The following ENPP7 variants were observed in gnomAD, a reference collection of about 807,000 sequenced individuals.
ENPP7 encodes ectonucleotide pyrophosphatase/phosphodiesterase family member 7.
Under a neutral mutation model 33.6 loss-of-function variants are expected in ENPP7, and 39 were observed. That is an observed-to-expected ratio of 1.16 (90% CI 0.90 to 1.52). The LOEUF (loss-of-function observed/expected upper bound fraction) is 1.52, where lower values mean the gene tolerates loss of function less well. Among genes scored for constraint, ENPP7 ranks in the 40% most tolerant of loss-of-function variants. The probability of loss-of-function intolerance (pLI) is 0.00; values close to 1 mark genes in which losing one functional copy is unlikely to be tolerated. For missense variants in ENPP7, 594 were observed against 641.0 expected, an observed-to-expected ratio of 0.93 and a Z score of 0.79; for synonymous variants, 244 against 274.3, an observed-to-expected ratio of 0.89 and a Z score of 1.09.
rs200367516 is a variant in ENPP7, at chr17:79,733,469, G to C, written c.254-39G>C. 336 of 1,601,040 alleles carry C rather than the reference G, an allele frequency of 2.1e-4. No individual in the cohort carries two copies. The African/African-American group carries it at 3.9e-3, about 19-fold the overall frequency. ...TGGGTCCGGCCTTCGCTGTGACCCCGGTCCATCCCGCCGCCCTCTGCACCT... is the reference window on the plus strand; with the variant it reads ...TGGGTCCGGCCTTCGCTGTGACCCCCGTCCATCCCGCCGCCCTCTGCACCT... On this transcript the variant is annotated intron_variant, in intron 1 of 5. Coordinates refer to ENST00000328313, the MANE Select transcript of ENPP7 (RefSeq NM_178543.5).
intron 1 of ENPP7, among the ~76,000 whole-genome samples, chr17:79,731,963 T>C (rs1317763869): frequency 2.0e-5 from 3 of 151,668 alleles, no homozygotes; most frequent in Non-Finnish European, 4.4e-5. Context: ...CCAGGCATGA[T>C]GGTGCATGCT....
intron 1 of ENPP7, 43 bp downstream of exon 1, chr17:79,731,435 G>C: frequency 6.3e-7 from 1 of 1,575,680 alleles, no homozygotes; most frequent in Non-Finnish European, 8.6e-7. Context: ...GGGAGGGCCT[G>C]AGAAACCAGA....
In ENPP7 at chr17:79,738,051, C is replaced by T. The variant is rs1555824002; in HGVS notation, c.*5C>T. The T allele has an allele frequency of 6.2e-7, 1 of 1,609,434 alleles. No homozygotes were observed. The highest frequency in any genetic ancestry group is 2.2e-5 in the East Asian group (1 of 44,874). ...CTTCTGTCTGAGGTCGCATAACGCC[C>T]CATGGCTCAAGGTCAGAGACCCAGA... On this transcript the variant is annotated 3_prime_UTR_variant, in exon 5 of 6. Transcript: ENST00000328313. This position sits in a 1 kb window ranked among gnomAD's most constrained non-coding sequence, Gnocchi z 6.2.
chr17:79,739,695 G>GCA lies in ENPP7; in HGVS notation c.*16+1633_*16+1634insCA, dbSNP rs2094302166. ...GACGCGGCCACGTGCAGCTGTTCCT[G>GCA]GGCACAGGTTGTGCAGATGAGTCCA... On this transcript the variant is annotated intron_variant, in intron 5 of 5. Transcript: ENST00000328313. The surrounding 1 kb of genome is among the most constrained non-coding windows in gnomAD (Gnocchi z 4.4). The GCA allele has an allele frequency of 1.3e-5, 2 of 152,298 alleles. No homozygotes were observed. The highest frequency in any genetic ancestry group is 1.3e-4 in the Admixed American group (2 of 15,290). 9.4% of individuals were successfully genotyped at this position (152,298 alleles called of 1,614,324 possible).
intron 2 of ENPP7, among the ~76,000 whole-genome samples, chr17:79,734,479 ATTT>A (rs5822293): frequency 7.1e-6 from 1 of 140,000 alleles, no homozygotes; most frequent in South Asian, 2.3e-4. Flanking sequence ...ATCTGGGAAC[ATTT>A]TTTTTTTTTT....
chr17:79,740,288 C>T (rs1485052155), intron 5 of ENPP7, among the ~76,000 whole-genome samples: 1 of 152,092 alleles, frequency 6.6e-6, no homozygotes, highest in Non-Finnish European at 1.5e-5. Flanking sequence ...ACCATTCATG[C>T]CAAATGTCAC....
At position 79,735,125 on chromosome 17, in the gene ENPP7, G is replaced by T; in HGVS notation, c.482G>T (p.Gly161Val). 2 of 1,613,148 alleles carry T rather than the reference G, an allele frequency of 1.2e-6. No homozygotes were observed. Among genetic ancestry groups the T allele is most frequent in the Non-Finnish European group, 8.5e-7 (1 of 1,180,036 alleles). Residue 161 changes from glycine to valine, a missense_variant, in exon 3 of 6, where the codon GGC (glycine) becomes GTC (valine). Gly to Val is a moderately radical substitution (Grantham distance 109). Around this residue, in one of 3 missense-constraint regions of ENPP7, gnomAD observed 504 missense variants for 512.8 expected, o/e 0.98. Coordinates refer to ENST00000328313, the MANE Select transcript of ENPP7 (RefSeq NM_178543.5). The surrounding 1 kb of genome is among the most constrained non-coding windows in gnomAD (Gnocchi z 5.5). ...GVAVTRSRKE[G>V]IAHNYKNETE... ...GCTGTGACGCGGAGCCGGAAAGAAG[G>T]CATCGCACACAACTACAAAAATGAG...
At chr17:79,736,577 G>A (rs1005902537) in intron 3 of ENPP7, among the ~76,000 whole-genome samples, 18 of 147,048 alleles carry the variant, frequency 1.2e-4, no homozygotes, top group Admixed American at 5.4e-4. Flanking sequence ...GTGTGTGTGC[G>A]TCCTACGTGT....
rs1568484853 is a variant in ENPP7, at chr17:79,731,391, CGGTGAGTA to C, written c.253_253+7del. The C allele has an allele frequency of 6.2e-7, 1 of 1,609,968 alleles. No individual in the cohort carries two copies. The highest frequency in any genetic ancestry group is 8.5e-7 in the Non-Finnish European group (1 of 1,177,788). On this transcript the variant is annotated splice_donor_variant and splice_donor_5th_base_variant and coding_sequence_variant and intron_variant, in exon 1 of 6. Coordinates refer to ENST00000328313, the MANE Select transcript of ENPP7 (RefSeq NM_178543.5). LOFTEE classifies it high-confidence loss of function. ...GCCCCTGCCACTTCACCCTGGTCACCGGTGAGTACTGCCCTGTGACGGGGCCTGGGGGT... is the reference window on the plus strand; with the variant it reads ...GCCCCTGCCACTTCACCCTGGTCACCCTGCCCTGTGACGGGGCCTGGGGGT...
intron 3 of ENPP7, 150 bp from the exon 4 acceptor site, chr17:79,736,889 GGC>G: frequency 1.6e-6 from 1 of 640,154 alleles, no homozygotes; most frequent in South Asian, 1.8e-5. Context: ...GATCTTTGGA[GGC>G]TCAGAATTCG....
In ENPP7 at chr17:79,738,101, A is replaced by ACGCTCC. The variant is rs1555824021; in HGVS notation, c.*16+41_*16+46dup. 1 of 1,587,652 alleles carries ACGCTCC rather than the reference A, an allele frequency of 6.3e-7. No homozygotes were observed. The highest frequency in any genetic ancestry group is 1.3e-5 in the African/African-American group (1 of 74,604). On this transcript the variant is annotated intron_variant, in intron 5 of 5. Transcript: ENST00000328313. The surrounding 1 kb of genome is among the most constrained non-coding windows in gnomAD (Gnocchi z 6.2). The stretch of plus-strand genomic sequence containing the variant: ...AAGGCAGAGGCGGGAGGGTGGCCCC[A>ACGCTCC]CGCTCCCTGACCCTCCACCCTGATG...
In ENPP7 at chr17:79,731,578, G is replaced by A. The variant is rs781783268; in HGVS notation, c.253+186G>A. Among the ~76,000 whole-genome samples, 3 of 152,248 alleles carry A rather than the reference G, an allele frequency of 2.0e-5. No individual in the cohort carries two copies. In the East Asian group the frequency reaches 5.8e-4, roughly 29 times the overall value. On this transcript the variant is annotated intron_variant, in intron 1 of 5. Transcript: ENST00000328313. ...CGGGACAAAGAAAAATGACCAGGGG[G>A]GTCCTTAAACCCGTGGCCACAGCCA...
Position 79,737,418 on chromosome 17 carries a change from C to T in ENPP7, c.1246+158C>T, listed in dbSNP as rs782166073. On this transcript the variant is annotated intron_variant, in intron 4 of 5. Coordinates refer to ENST00000328313, the MANE Select transcript of ENPP7 (RefSeq NM_178543.5). This position sits in a 1 kb window ranked among gnomAD's most constrained non-coding sequence, Gnocchi z 5.5. ...CAGAATCTCTCACATTCCCACAACA[C>T]GTGACCTCTCACGAGCACCTCATGC... Among the ~76,000 whole-genome samples, 29 of 152,238 alleles carry T rather than the reference C, an allele frequency of 1.9e-4. No homozygotes were observed. Among genetic ancestry groups the T allele is most frequent in the Non-Finnish European group, 3.1e-4 (21 of 68,030 alleles).
At position 79,738,325 on chromosome 17, in the gene ENPP7, C is replaced by G; in HGVS notation, c.*16+263C>G. 7 of 405,056 alleles carry G rather than the reference C, an allele frequency of 1.7e-5. No homozygotes were observed. The highest frequency in any genetic ancestry group is 3.2e-5 in the Non-Finnish European group (7 of 219,214). 25.1% of individuals were successfully genotyped at this position (405,056 alleles called of 1,614,324 possible). ...CCAGTGGCCAGAATTCCCACCCTCC[C>G]CCAAAAGCCAGAACTCCCTCAGCCT... is the stretch of plus-strand genomic sequence containing the variant. On this transcript the variant is annotated intron_variant, in intron 5 of 5. Transcript: ENST00000328313. The surrounding 1 kb of genome is among the most constrained non-coding windows in gnomAD (Gnocchi z 6.2).
In ENPP7 at chr17:79,732,794, G is replaced by A. The variant is rs549047481; in HGVS notation, c.254-714G>A. 2.0e-5 allele frequency among the ~76,000 whole-genome samples: 3 copies of A among 152,260 alleles called. No homozygotes were observed. The South Asian group carries it at 6.2e-4, about 32-fold the overall frequency. On this transcript the variant is annotated intron_variant, in intron 1 of 5. Transcript: ENST00000328313. ...TGCAAAGACCCTATTTCTAAATAAG[G>A]CCACGTTCTAAGGTTCCAAGTGAGC...
chr17:79,736,999 G>T, intron 3 of ENPP7, 42 bp from the exon 4 acceptor site: 1 of 1,574,128 alleles, frequency 6.4e-7, no homozygotes, highest in Non-Finnish European at 8.7e-7. Flanking sequence ...AGGGTCTGTT[G>T]CTCCCAGCAA....
rs1555822665 is a variant in ENPP7, at chr17:79,732,132, G to GTGTATATA, written c.253+741_253+742insGTATATAT. Among the ~76,000 whole-genome samples the GTGTATATA allele has an allele frequency of 2.2e-3, 105 of 48,348 alleles. 1 individual carries two copies. The highest frequency in any genetic ancestry group is 8.5e-3 in the African/African-American group (104 of 12,244). 31.7% of individuals were successfully genotyped at this position (48,348 alleles called of 152,430 possible). A position where few individuals can be genotyped will look rare whatever the true frequency, so the allele number is the denominator to read the frequency against. On this transcript the variant is annotated intron_variant, in intron 1 of 5. Coordinates refer to ENST00000328313, the MANE Select transcript of ENPP7 (RefSeq NM_178543.5). ...TACATATATATATACATATATATAT[G>GTGTATATA]TATATATATATATATATACACACAC...
In ENPP7 at chr17:79,733,499, C is replaced by T; in HGVS notation, c.254-9C>T. ...ATCCCGCCGCCCTCTGCACCTCTTC[C>T]TCCCTCAGGCAAATATATCGAGAAC... On this transcript the variant is annotated splice_polypyrimidine_tract_variant and intron_variant, in intron 1 of 5. Transcript: ENST00000328313. 1 of 1,611,946 alleles carries T rather than the reference C, an allele frequency of 6.2e-7. No homozygotes were observed. Among genetic ancestry groups the T allele is most frequent in the Non-Finnish European group, 8.5e-7 (1 of 1,179,166 alleles).
chr17:79,741,826 C>T lies in ENPP7; in HGVS notation c.*49C>T. 1 of 985,992 alleles carries T rather than the reference C, an allele frequency of 1.0e-6. No homozygotes were observed. The highest frequency in any genetic ancestry group is 1.2e-6 in the Non-Finnish European group (1 of 830,422). 61.1% of individuals were successfully genotyped at this position (985,992 alleles called of 1,614,324 possible). A position where few individuals can be genotyped will look rare whatever the true frequency, so the allele number is the denominator to read the frequency against. On this transcript the variant is annotated 3_prime_UTR_variant, in exon 6 of 6. Coordinates refer to ENST00000328313, the MANE Select transcript of ENPP7 (RefSeq NM_178543.5). Reference sequence around the variant, plus strand: ...CCGGGAGCTGCCCGCAGGCCCTGGGCCGGCTGTCTCGCTGCGATGCTCTGC... The same window carrying T: ...CCGGGAGCTGCCCGCAGGCCCTGGGTCGGCTGTCTCGCTGCGATGCTCTGC...
Sources: allele counts gnomAD v4.1 joint callset (sites outside exome capture counted in the v4.1 genomes callset), GRCh38; gene constraint gnomAD v4.1.1; regional missense constraint gnomAD v4.1.1; non-coding constraint Gnocchi (gnomAD v3.1); transcripts MANE v1.5; gene names NCBI Gene and HGNC (gene_info 2026-07-23, HGNC 2026-07-21).